Variants in SFSWAP observed in about 807,000 individuals in gnomAD.
SFSWAP encodes splicing factor, suppressor of white-apricot homolog.
A neutral mutation model predicts 100.7 loss-of-function variants in SFSWAP; 17 were observed. The ratio of observed to expected loss-of-function variants is 0.17; its 90% confidence interval spans 0.12 to 0.25. The LOEUF (loss-of-function observed/expected upper bound fraction) is 0.25. SFSWAP is among the 10% of genes least tolerant of loss of function. The pLI, the probability that SFSWAP is intolerant of heterozygous loss-of-function variation, is 1.00. For synonymous variants in SFSWAP, 504 were observed against 510.1 expected, an observed-to-expected ratio of 0.99 and a Z score of 0.16; for missense variants, 1,005 against 1,262.6, an observed-to-expected ratio of 0.80 and a Z score of 3.09.
intron 12 of SFSWAP, 146 bp from the exon 13 acceptor site, chr12:131,765,972 T>C (rs930157848): frequency 1.4e-6 from 1 of 734,924 alleles, no homozygotes; most frequent in Non-Finnish European, 2.1e-6. Context: ...ACTAATTCTC[T>C]CAAAATTTGA....
chr12:131,712,716 TCCGTGCTGTGCTCAA>T (rs1877495361), intron 1 of SFSWAP: 1 of 152,226 alleles, frequency 6.6e-6, no homozygotes, highest in Admixed American at 6.5e-5. Context: ...ATCTGATGGC[TCCGTGCTGTGCTCAA>T]GCGTGCTGTG....
intron 7 of SFSWAP, among the ~76,000 whole-genome samples, chr12:131,738,909 T>TTTTTTTTTTTTTTTA (rs1593131689): frequency 8.1e-6 from 1 of 122,838 alleles, no homozygotes; most frequent in Non-Finnish European, 1.7e-5. Context: ...TTTTTTTTTT[T>TTTTTTTTTTTTTTTA]GAGACAGGGT....
intron 10 of SFSWAP, 68 bp downstream of exon 10, chr12:131,755,547 G>A (rs1445726390): frequency 9.7e-6 from 11 of 1,128,806 alleles, no homozygotes; most frequent in African/African-American, 1.6e-5. Context: ...ATCAGAAGTC[G>A]CTTTCTGTTT....
chr12:131,755,361 C>T, intron 9 of SFSWAP, 25 bp from the exon 10 acceptor site: 1 of 1,543,470 alleles, frequency 6.5e-7, no homozygotes, highest in Non-Finnish European at 9.0e-7. Flanking sequence ...GGTAAATGAC[C>T]CATTTTCTTT....
chr12:131,742,123 A>G (rs748611543), intron 7 of SFSWAP, among the ~76,000 whole-genome samples: 3 of 152,196 alleles, frequency 2.0e-5, no homozygotes, highest in Non-Finnish European at 4.4e-5. Flanking sequence ...TGAGGGAACT[A>G]CAGGGAGAGA....
At position 131,782,919 on chromosome 12, in the gene SFSWAP, G is replaced by A. The variant is rs1047135041; in HGVS notation, c.2409-3544G>A. Among the ~76,000 whole-genome samples, 10 of 152,266 alleles carry A rather than the reference G, an allele frequency of 6.6e-5. No individual in the cohort carries two copies. The East Asian group carries it at 1.7e-3, about 26-fold the overall frequency. On this transcript the variant is annotated intron_variant, in intron 14 of 17. Transcript: ENST00000261674. ...CATTGAGGCTGGCACGGTGGCTCACGCCTATAATCCCGGCTCTTAAGGAGG... is the reference window on the plus strand; with the variant it reads ...CATTGAGGCTGGCACGGTGGCTCACACCTATAATCCCGGCTCTTAAGGAGG...
intron 4 of SFSWAP, among the ~76,000 whole-genome samples, chr12:131,723,689 C>T (rs1040122725): frequency 6.6e-6 from 1 of 152,156 alleles, no homozygotes; most frequent in African/African-American, 2.4e-5. Context: ...TGAGCTCAAG[C>T]CTTTTCCAAA....
chr12:131,797,688 G>A (rs752124035), intron 16 of SFSWAP, among the ~76,000 whole-genome samples: 27 of 152,334 alleles, frequency 1.8e-4, no homozygotes, highest in Non-Finnish European at 2.5e-4. Flanking sequence ...CCAGTAGACC[G>A]GGAACTGTCA....
At chr12:131,783,813 T>TATATATATAA (rs1555251698) in intron 14 of SFSWAP, 1 of 135,058 alleles carries the variant, frequency 7.4e-6, no homozygotes, top group Non-Finnish European at 1.6e-5. Context: ...TATATATATA[T>TATATATATAA]ATATATATAA....
intron 5 of SFSWAP, among the ~76,000 whole-genome samples, chr12:131,726,176 A>ACG (rs201499219): frequency 9.6e-6 from 1 of 104,606 alleles, no homozygotes; most frequent in Non-Finnish European, 2.1e-5. Flanking sequence ...GTATATATAT[A>ACG]CACACACACA....
At chr12:131,768,131 A>G (rs1883273283) in intron 13 of SFSWAP, among the ~76,000 whole-genome samples, 1 of 152,218 alleles carries the variant, frequency 6.6e-6, no homozygotes, top group Admixed American at 6.5e-5. Context: ...TCTGCCCTGA[A>G]TACTGCAGCT....
At chr12:131,722,776 C>T (rs1878599585) in intron 4 of SFSWAP, among the ~76,000 whole-genome samples, 2 of 151,890 alleles carry the variant, frequency 1.3e-5, no homozygotes, top group Admixed American at 6.6e-5. Context: ...GGTGAAACTC[C>T]GCCTCTACAA....
intron 13 of SFSWAP, among the ~76,000 whole-genome samples, chr12:131,772,037 A>G (rs928963898): frequency 7.9e-5 from 12 of 151,894 alleles, no homozygotes; most frequent in East Asian, 3.9e-4. Context: ...TGTTTCTTCG[A>G]CCTAGGAAGG....
At chr12:131,783,792 T>TATATATATATATATATATA (rs1884672091) in intron 14 of SFSWAP, 1 of 86,684 alleles carries the variant, frequency 1.2e-5, no homozygotes, top group Non-Finnish European at 2.4e-5. Flanking sequence ...AAAAAACATT[T>TATATATATATATATATATA]TATATATATA....
At position 131,725,501 on chromosome 12, in the gene SFSWAP, G is replaced by A; in HGVS notation, c.703G>A (p.Ala235Thr). ...QFEIMLKAKQ[A>T]RNSQFDFLRF... ...TGAGATCATGCTGAAGGCCAAGCAG[G>A]CCCGGAACTCCCAGTTTGACTTTCT... Residue 235 changes from alanine (A) to threonine (T), a missense_variant, in exon 5 of 18, where the codon GCC becomes ACC. Around this residue, in one of 7 missense-constraint regions of SFSWAP, gnomAD observed 237 missense variants for 337.0 expected, o/e 0.70. Transcript: ENST00000261674. The surrounding 1 kb of genome is among the most constrained non-coding windows in gnomAD (Gnocchi z 4.3). 1.2e-6 allele frequency: 2 copies of A among 1,614,144 alleles called. No individual in the cohort carries two copies. The highest frequency in any genetic ancestry group is 2.2e-5 in the East Asian group (1 of 44,872).
chr12:131,747,644 G>A (rs113341899), intron 7 of SFSWAP, among the ~76,000 whole-genome samples: 239 of 152,298 alleles, frequency 1.6e-3, no homozygotes, highest in Non-Finnish European at 2.4e-3. Context: ...CAGCTGGAGG[G>A]CAGGACTCAG....
chr12:131,797,132 C>T (rs1566065599), intron 15 of SFSWAP, 46 bp from the exon 16 acceptor site: 1 of 1,558,694 alleles, frequency 6.4e-7, no homozygotes, highest in Non-Finnish European at 8.7e-7. Flanking sequence ...TTGTGCCCTG[C>T]CTTTAAACCA....
Position 131,726,224 on chromosome 12 carries a change from A to G in SFSWAP, c.832+594A>G, listed in dbSNP as rs532802650. Among the ~76,000 whole-genome samples, 277 of 151,688 alleles carry G rather than the reference A, an allele frequency of 1.8e-3. 3 individuals carry two copies. Among genetic ancestry groups the G allele is most frequent in the African/African-American group, 6.2e-3 (258 of 41,386 alleles). Reference sequence around the variant, plus strand: ...TGAATTTTTTTTTTTTTAATTGGCGACAGAGTCTCGCTCTTGTCGCCCAGG... The same window carrying G: ...TGAATTTTTTTTTTTTTAATTGGCGGCAGAGTCTCGCTCTTGTCGCCCAGG... On this transcript the variant is annotated intron_variant, in intron 5 of 17. Coordinates refer to ENST00000261674, the MANE Select transcript of SFSWAP (RefSeq NM_004592.4).
At chr12:131,785,571 A>G in intron 14 of SFSWAP, 1 of 204,810 alleles carries the variant, frequency 4.9e-6, no homozygotes, top group Non-Finnish European at 1.0e-5. Context: ...AGCTTTACTG[A>G]ATGAACAAAG....
Sources: allele counts gnomAD v4.1 joint callset (sites outside exome capture counted in the v4.1 genomes callset), GRCh38; gene constraint gnomAD v4.1.1; regional missense constraint gnomAD v4.1.1; non-coding constraint Gnocchi (gnomAD v3.1); transcripts MANE v1.5; gene names NCBI Gene and HGNC (gene_info 2026-07-23, HGNC 2026-07-21).